FBN3: variants seen among roughly 807,000 people sequenced by gnomAD.
FBN3 encodes the protein fibrillin 3.
In FBN3, 234 loss-of-function variants were observed where a neutral mutation model predicts 330.1. That is an observed-to-expected ratio of 0.71 (90% CI 0.64 to 0.79). FBN3 has a LOEUF of 0.79. Ranked by LOEUF, FBN3 falls within the 30% of genes least tolerant of loss-of-function variation. FBN3 has a pLI of 0.00. For synonymous variants in FBN3, 1,458 were observed against 1,517.3 expected (o/e 0.96, Z 0.91); for missense variants, 3,606 against 3,886.9 (o/e 0.93, Z 1.92).
chr19:8,141,755 A>G lies in FBN3; in HGVS notation c.827T>C (p.Val276Ala), dbSNP rs149500111. 11 of 1,614,018 alleles carry G rather than the reference A, an allele frequency of 6.8e-6. No individual in the cohort carries two copies. Among genetic ancestry groups the G allele is most frequent in the African/African-American group, 4.0e-5 (3 of 74,934 alleles). The part of the protein sequence containing the change: ...MVGSFHCRCP[V>A]GHRLSDSSAA... Reference sequence around the variant, plus strand: ...GCTGCTGTCACTGAGCCGGTGTCCAACTGGACAGCGGCAATGGAAGGAGCC... The same window carrying G: ...GCTGCTGTCACTGAGCCGGTGTCCAGCTGGACAGCGGCAATGGAAGGAGCC... The change falls in exon 8 of 64, where the codon GTT becomes GCT. Residue 276 changes from valine (V) to alanine (A), a missense_variant. Physicochemically the swap from Val to Ala is moderately conservative, Grantham distance 64. Transcript: ENST00000600128.
intron 40 of FBN3, among the ~76,000 whole-genome samples, chr19:8,102,108 C>T (rs2082339582): frequency 6.6e-6 from 1 of 152,216 alleles, no homozygotes; most frequent in Non-Finnish European, 1.5e-5. Context: ...CTCTTGCCTG[C>T]CACCATGTAA....
chr19:8,124,602 A>C (rs2082936334), intron 22 of FBN3, among the ~76,000 whole-genome samples: 1 of 148,324 alleles, frequency 6.7e-6, no homozygotes, highest in Non-Finnish European at 1.5e-5. Flanking sequence ...CAGCGGCACA[A>C]TCTCAGCTCA....
chr19:8,108,934 G>A (rs1302618326), intron 36 of FBN3, among the ~76,000 whole-genome samples: 1 of 152,130 alleles, frequency 6.6e-6, no homozygotes, highest in African/African-American at 2.4e-5. Context: ...CCTTCTCTGA[G>A]TCCCCAGTCC....
intron 48 of FBN3, among the ~76,000 whole-genome samples, chr19:8,091,032 G>A (rs1294342948): frequency 3.9e-5 from 6 of 152,126 alleles, no homozygotes; most frequent in African/African-American, 7.2e-5. Context: ...ATTCGCTGAG[G>A]TGAACTGCAT....
At chr19:8,071,965 A>G (rs2081523253) in intron 63 of FBN3, 83 bp downstream of exon 63, 2 of 1,394,236 alleles carry the variant, frequency 1.4e-6, no homozygotes, top group Non-Finnish European at 1.9e-6. Context: ...GGGGGGGCTG[A>G]CATGACTAAG....
At chr19:8,066,715 C>T (rs1379812655) in intron 63 of FBN3, among the ~76,000 whole-genome samples, 1 of 151,966 alleles carries the variant, frequency 6.6e-6, no homozygotes, top group Non-Finnish European at 1.5e-5. Flanking sequence ...CCAGTCGCTA[C>T]TAAAAATACA....
chr19:8,093,622 C>CA (rs900223262), intron 47 of FBN3, among the ~76,000 whole-genome samples: 30 of 151,532 alleles, frequency 2.0e-4, no homozygotes, highest in African/African-American at 4.1e-4. Context: ...GACTCCGTCT[C>CA]AAAAAAAATA....
At chr19:8,081,187 T>C in intron 58 of FBN3, 68 bp from the exon 59 acceptor site, 1 of 1,511,362 alleles carries the variant, frequency 6.6e-7, no homozygotes, top group Admixed American at 1.7e-5. Context: ...TCCCAGGGGC[T>C]GCCCTTGCCA....
chr19:8,105,033 C>T (rs2082408520), intron 38 of FBN3, among the ~76,000 whole-genome samples: 1 of 151,950 alleles, frequency 6.6e-6, no homozygotes, highest in Non-Finnish European at 1.5e-5. Context: ...TGGCTCACTG[C>T]AACCTCCGCC....
At chr19:8,141,487 C>A (rs1400619521) in intron 8 of FBN3, among the ~76,000 whole-genome samples, 4 of 152,142 alleles carry the variant, frequency 2.6e-5, no homozygotes, top group African/African-American at 9.7e-5. Flanking sequence ...AGGCTGCTGG[C>A]AAAACCTTGG....
At chr19:8,079,455 C>A (rs1230432949) in intron 59 of FBN3, among the ~76,000 whole-genome samples, 1 of 151,838 alleles carries the variant, frequency 6.6e-6, no homozygotes, top group Admixed American at 6.6e-5. Flanking sequence ...ACAACATAAC[C>A]AAAAACAACC....
At chr19:8,087,009 C>A in intron 54 of FBN3, 68 bp downstream of exon 54, 1 of 1,548,838 alleles carries the variant, frequency 6.5e-7, no homozygotes, top group Non-Finnish European at 8.7e-7. Context: ...CCCGGTCCAA[C>A]CCTCTTGCTT....
At chr19:8,095,159 C>T (rs572088627) in intron 46 of FBN3, among the ~76,000 whole-genome samples, 6 of 152,048 alleles carry the variant, frequency 3.9e-5, no homozygotes, top group South Asian at 2.1e-4. Context: ...TTTGTAGAGA[C>T]GAGGACTCAC....
chr19:8,090,219 CA>C lies in FBN3; in HGVS notation c.6063del (p.Phe2021LeufsTer65). The C allele has an allele frequency of 6.2e-7, 1 of 1,613,998 alleles. No individual in the cohort carries two copies. The highest frequency in any genetic ancestry group is 1.1e-5 in the South Asian group (1 of 91,070). On this transcript the variant is annotated frameshift_variant, in exon 49 of 64. Transcript: ENST00000600128. LOFTEE classifies it high-confidence loss of function. ...TTGGGCACCGAGCACTTCCCAGCCTCAAAACGGGTGAAGCAGAAACTCTGCC... is the reference window on the plus strand; with the variant it reads ...TTGGGCACCGAGCACTTCCCAGCCTCAAACGGGTGAAGCAGAAACTCTGCC... ...DTRQSFCFTR[F>X]EAGKCSVPKA...
intron 10 of FBN3, 126 bp from the exon 11 acceptor site, chr19:8,136,657 T>A: frequency 7.9e-7 from 1 of 1,270,682 alleles, no homozygotes; most frequent in Non-Finnish European, 1.1e-6. Context: ...GCTCAGATCC[T>A]GCCCTCTTTC....
intron 13 of FBN3, 26 bp downstream of exon 13, chr19:8,135,935 T>TGGG: frequency 3.7e-6 from 5 of 1,344,148 alleles, no homozygotes; most frequent in Admixed American, 2.3e-5. Context: ...CGGAAGCCCC[T>TGGG]GCCCACCCGC....
chr19:8,103,435 G>T, intron 39 of FBN3, 127 bp downstream of exon 39: 1 of 971,564 alleles, frequency 1.0e-6, no homozygotes, highest in Non-Finnish European at 1.5e-6. Context: ...TTTGTTTACT[G>T]CCACATGTCA....
intron 13 of FBN3, 25 bp downstream of exon 13, chr19:8,135,936 G>GGGGGGGGGGGGGGGGGGCCCGCCC: frequency 1.5e-6 from 1 of 668,778 alleles, no homozygotes; most frequent in Non-Finnish European, 2.4e-6. Context: ...GGAAGCCCCT[G>GGGGGGGGGGGGGGGGGGCCCGCCC]CCCACCCGCC....
In FBN3 at chr19:8,081,057, C is replaced by T. The variant is rs914265244; in HGVS notation, c.7399G>A (p.Ala2467Thr). 6.8e-6 allele frequency: 11 copies of T among 1,613,344 alleles called. No individual in the cohort carries two copies. In the African/African-American group the frequency reaches 1.3e-4, roughly 20 times the overall value. ...CCGGGCGGACAGCGGCAGGTGAAGG[C>T]GCCCACAGTGTTGACACAGAGGAAC... The part of the protein sequence containing the change: ...CQFLCVNTVG[A>T]FTCRCPPGFT... Residue 2467 changes from alanine (A) to threonine (T), a missense_variant, in exon 59 of 64, where the codon GCC becomes ACC. By Grantham distance (58) the Ala-to-Thr change is moderately conservative. Transcript: ENST00000600128.
Sources: gnomAD v4.1 joint callset for allele counts (sites outside exome capture counted in the v4.1 genomes callset) on GRCh38, gnomAD v4.1.1 for gene constraint, MANE v1.5 for transcripts, NCBI Gene and HGNC (gene_info 2026-07-23, HGNC 2026-07-21) for gene names.